The following EBF4 variants were observed in gnomAD, a reference collection of about 807,000 sequenced individuals.
The protein encoded by EBF4 is EBF transcription factor 4.
Under a neutral mutation model 67.1 loss-of-function variants are expected in EBF4, and 34 were observed. That is an observed-to-expected ratio of 0.51 (90% CI 0.39 to 0.67). EBF4 has a LOEUF of 0.67. Ranked by LOEUF, EBF4 falls within the 30% of genes least tolerant of loss-of-function variation. The pLI is 0.00. For synonymous variants in EBF4, 387 were observed against 377.7 expected (o/e 1.02, Z -0.29); for missense variants, 837 against 873.3 (o/e 0.96, Z 0.52).
chr20:2,745,254 G>A lies in EBF4; in HGVS notation c.558-3295G>A, dbSNP rs934328718. ...GGGGTGGTGCAGGCTCTCTGACTGGGAGAAGCCTCGTGGACTACCAGCTGG... is the reference window on the plus strand; with the variant it reads ...GGGGTGGTGCAGGCTCTCTGACTGGAAGAAGCCTCGTGGACTACCAGCTGG... On this transcript the variant is annotated intron_variant, in intron 6 of 16. Coordinates refer to ENST00000609451, the Ensembl canonical transcript of EBF4. The surrounding 1 kb of genome is among the most constrained non-coding windows in gnomAD (Gnocchi z 5.2). Among the ~76,000 whole-genome samples the A allele has an allele frequency of 2.6e-5, 4 of 152,226 alleles. No homozygotes were observed. Among genetic ancestry groups the A allele is most frequent in the Non-Finnish European group, 4.4e-5 (3 of 68,032 alleles).
intron 6 of EBF4, among the ~76,000 whole-genome samples, chr20:2,713,699 A>AT (rs1436010623): frequency 6.6e-6 from 1 of 152,170 alleles, no homozygotes; most frequent in Non-Finnish European, 1.5e-5. Context: ...AGGGATATTT[A>AT]TTTTTTAAAA....
chr20:2,720,823 T>C (rs6051333), intron 6 of EBF4, among the ~76,000 whole-genome samples: 16,939 of 152,214 alleles, frequency 0.11, 1,213 homozygotes, highest in East Asian at 0.29. Flanking sequence ...TCTTGTATTG[T>C]TTGTGAAAGC....
chr20:2,755,533 G>A lies in EBF4; in HGVS notation c.1541-94G>A. 4 of 696,654 alleles carry A rather than the reference G, an allele frequency of 5.7e-6. No individual in the cohort carries two copies. The South Asian group carries it at 6.8e-5, about 12-fold the overall frequency. The allele number at this position is 696,654 out of a possible 1,614,324, so 43.2% of individuals were successfully genotyped here. A position where few individuals can be genotyped will look rare whatever the true frequency, so the allele number is the denominator to read the frequency against. Reference sequence around the variant, plus strand: ...TACCTGTGTCAGCAGCCCATGTGGGGCCCCAGCCAAGCTGCTCACTCTGGT... The same window carrying A: ...TACCTGTGTCAGCAGCCCATGTGGGACCCCAGCCAAGCTGCTCACTCTGGT... On this transcript the variant is annotated intron_variant, in intron 14 of 16. Coordinates refer to ENST00000609451, the Ensembl canonical transcript of EBF4. The surrounding 1 kb of genome is among the most constrained non-coding windows in gnomAD (Gnocchi z 4.7).
chr20:2,757,722 A>G (rs1307959330), intron 15 of EBF4, among the ~76,000 whole-genome samples: 1 of 152,190 alleles, frequency 6.6e-6, no homozygotes, highest in Non-Finnish European at 1.5e-5. Context: ...CGAGGTGGGC[A>G]GATCGCTTGA....
intron 1 of EBF4, among the ~76,000 whole-genome samples, chr20:2,700,513 G>C (rs2087358838): frequency 6.6e-6 from 1 of 152,114 alleles, no homozygotes; most frequent in African/African-American, 2.4e-5. Flanking sequence ...CTTTGGCCTT[G>C]GTCCACATCT....
At chr20:2,711,175 TAA>T (rs1491386094) in intron 6 of EBF4, among the ~76,000 whole-genome samples, 5 of 149,034 alleles carry the variant, frequency 3.4e-5, no homozygotes, top group African/African-American at 1.2e-4. Context: ...ATAATAATAA[TAA>T]TAAAATTAAA....
intron 5 of EBF4, 48 bp from the exon 6 acceptor site, chr20:2,709,526 C>G: frequency 6.6e-7 from 1 of 1,516,498 alleles, no homozygotes; most frequent in Non-Finnish European, 8.9e-7. Context: ...GTCGTGGCCC[C>G]CTCCTTCCTT....
At chr20:2,695,874 T>C (rs2087281877) in intron 1 of EBF4, among the ~76,000 whole-genome samples, 1 of 152,186 alleles carries the variant, frequency 6.6e-6, no homozygotes, top group South Asian at 2.1e-4. Flanking sequence ...GAGTTGGCTT[T>C]GACACCTTCC....
chr20:2,695,012 T>A (rs544935929), intron 1 of EBF4, among the ~76,000 whole-genome samples: 5 of 152,300 alleles, frequency 3.3e-5, no homozygotes, highest in Admixed American at 6.5e-5. Flanking sequence ...GTAATACAAC[T>A]ACTGTCAACA....
intron 6 of EBF4, among the ~76,000 whole-genome samples, chr20:2,736,218 C>T (rs1438563467): frequency 6.6e-6 from 1 of 152,138 alleles, no homozygotes; most frequent in Admixed American, 6.5e-5. Flanking sequence ...TAGCTCTTCT[C>T]TGGCTCCTAG....
At chr20:2,703,586 G>A (rs2146377725) in intron 1 of EBF4, among the ~76,000 whole-genome samples, 1 of 152,004 alleles carries the variant, frequency 6.6e-6, no homozygotes, top group Non-Finnish European at 1.5e-5. Flanking sequence ...GATCATTTGA[G>A]TTAGTAGGTC....
chr20:2,702,156 G>A (rs541034292), intron 1 of EBF4, among the ~76,000 whole-genome samples: 8 of 152,190 alleles, frequency 5.3e-5, no homozygotes, highest in Admixed American at 2.6e-4. Context: ...TGTTGAGGCC[G>A]GGCGCAGTGG....
intron 12 of EBF4, 28 bp downstream of exon 12, chr20:2,752,015 GCCGGGACCGGGGC>G: frequency 1.3e-6 from 2 of 1,533,558 alleles, no homozygotes; most frequent in Non-Finnish European, 1.8e-6. Context: ...TCCCAGCGCC[GCCGGGACCGGGGC>G]CCCCCAGCAC....
At chr20:2,754,263 C>G (rs1333709809) in intron 14 of EBF4, among the ~76,000 whole-genome samples, 1 of 152,082 alleles carries the variant, frequency 6.6e-6, no homozygotes, top group East Asian at 1.9e-4. Context: ...ATTGAGTTTG[C>G]GAGAACATTC....
At chr20:2,753,969 G>GTTTTGAAACTTTCCCCTTGGGC (rs1568589485) in intron 14 of EBF4, among the ~76,000 whole-genome samples, 1 of 152,018 alleles carries the variant, frequency 6.6e-6, no homozygotes, top group African/African-American at 2.4e-5. Context: ...CACCCCCTTG[G>GTTTTGAAACTTTCCCCTTGGGC]GCCAACACTG....
At chr20:2,744,075 A>T (rs1006482876) in intron 6 of EBF4, among the ~76,000 whole-genome samples, 19 of 102,350 alleles carry the variant, frequency 1.9e-4, no homozygotes, top group African/African-American at 5.2e-4. Flanking sequence ...GTTTTTATTT[A>T]TTTTTTTTAT....
intron 1 of EBF4, among the ~76,000 whole-genome samples, chr20:2,697,552 A>AAG (rs1555784818): frequency 3.4e-5 from 5 of 147,146 alleles, no homozygotes; most frequent in Non-Finnish European, 4.5e-5. Context: ...CTCAAAAAAA[A>AAG]AAAGAAAGAA....
At chr20:2,704,880 C>T (rs1166467757) in intron 1 of EBF4, among the ~76,000 whole-genome samples, 1 of 152,226 alleles carries the variant, frequency 6.6e-6, no homozygotes, top group Non-Finnish European at 1.5e-5. Flanking sequence ...TCACTCTGGC[C>T]TTGCTTCTGG....
At chr20:2,726,224 A>T (rs6084140) in intron 6 of EBF4, among the ~76,000 whole-genome samples, 15,262 of 152,044 alleles carry the variant, frequency 0.1, 843 homozygotes, top group Admixed American at 0.14. Context: ...TTATTATTCC[A>T]TCTGTTTTTC....
Sources: allele counts gnomAD v4.1 joint callset (sites outside exome capture counted in the v4.1 genomes callset), GRCh38; gene constraint gnomAD v4.1.1; non-coding constraint Gnocchi (gnomAD v3.1); transcripts MANE v1.5; gene names NCBI Gene and HGNC (gene_info 2026-07-23, HGNC 2026-07-21).